EYA1: variants seen among roughly 807,000 people sequenced by gnomAD.
The protein encoded by EYA1 is EYA transcriptional coactivator and phosphatase 1, also known as protein phosphatase EYA1.
Under a neutral mutation model 82.0 loss-of-function variants are expected in EYA1, and 16 were observed. That is an observed-to-expected ratio of 0.20 (90% CI 0.13 to 0.30). The LOEUF is 0.30. Ranked by LOEUF, EYA1 falls within the 10% of genes least tolerant of loss-of-function variation. EYA1 has a pLI of 1.00. For missense variants in EYA1, 633 were observed against 730.7 expected (o/e 0.87, Z 1.54); for synonymous variants, 261 against 264.4 (o/e 0.99, Z 0.12).
chr8:71,528,356 G>T (rs1403056966), intron 2 of EYA1, among the ~76,000 whole-genome samples: 1 of 152,200 alleles, frequency 6.6e-6, no homozygotes, highest in African/African-American at 2.4e-5. Flanking sequence ...TTTGGCCCTG[G>T]AAATATAAAC....
At chr8:71,545,344 A>G (rs1815463428) in intron 1 of EYA1, among the ~76,000 whole-genome samples, 1 of 152,210 alleles carries the variant, frequency 6.6e-6, no homozygotes, top group Non-Finnish European at 1.5e-5. Context: ...TACTTTTTAT[A>G]TCCAAAAAGA....
chr8:71,261,544 C>T (rs760286605), intron 11 of EYA1, among the ~76,000 whole-genome samples: 3 of 152,136 alleles, frequency 2.0e-5, no homozygotes, highest in Non-Finnish European at 4.4e-5. Context: ...ACGTGACACT[C>T]GATTGTGTTA....
intron 11 of EYA1, among the ~76,000 whole-genome samples, chr8:71,267,581 C>T (rs1389816194): frequency 2.0e-5 from 3 of 152,156 alleles, no homozygotes; most frequent in South Asian, 4.1e-4. Context: ...TGGAGTCTTG[C>T]TCTGTTGCCC....
intron 2 of EYA1, among the ~76,000 whole-genome samples, chr8:71,476,851 A>T (rs1809703717): frequency 6.6e-6 from 1 of 152,134 alleles, no homozygotes; most frequent in Admixed American, 6.6e-5. Context: ...GTAATACAAA[A>T]AAGTGTTGTA....
intron 9 of EYA1, among the ~76,000 whole-genome samples, chr8:71,288,621 A>G (rs1045859700): frequency 6.6e-6 from 1 of 152,232 alleles, no homozygotes; most frequent in African/African-American, 2.4e-5. Context: ...TGTAGATATA[A>G]GAGAGTAGTC....
intron 1 of EYA1, among the ~76,000 whole-genome samples, chr8:71,542,293 C>G (rs549616260): frequency 1.9e-4 from 27 of 140,212 alleles, no homozygotes; most frequent in Non-Finnish European, 3.8e-4. Flanking sequence ...CATTCAGCAC[C>G]CACTTACAAG....
At chr8:71,231,695 T>C (rs1563659849) in intron 12 of EYA1, among the ~76,000 whole-genome samples, 1 of 152,208 alleles carries the variant, frequency 6.6e-6, no homozygotes, top group Non-Finnish European at 1.5e-5. Flanking sequence ...CAGAATAGAG[T>C]GAGCATGAGG....
chr8:71,542,563 T>A (rs1376684328), intron 1 of EYA1, among the ~76,000 whole-genome samples: 3 of 152,222 alleles, frequency 2.0e-5, no homozygotes, highest in Middle Eastern at 3.2e-3. Flanking sequence ...ATTTACATTC[T>A]CTTGGGTATA....
chr8:71,248,620 T>C (rs1470800483), intron 11 of EYA1, among the ~76,000 whole-genome samples: 1 of 152,194 alleles, frequency 6.6e-6, no homozygotes, highest in African/African-American at 2.4e-5. Flanking sequence ...TGCAAAGCCA[T>C]CTCACCCTGA....
intron 2 of EYA1, among the ~76,000 whole-genome samples, chr8:71,486,558 C>T (rs1283618553): frequency 6.6e-6 from 1 of 152,154 alleles, no homozygotes; most frequent in East Asian, 1.9e-4. Context: ...GAGAAGCTGG[C>T]TATGTGAGTT....
At chr8:71,443,021 C>T (rs1806543622) in intron 2 of EYA1, among the ~76,000 whole-genome samples, 1 of 152,144 alleles carries the variant, frequency 6.6e-6, no homozygotes, top group African/African-American at 2.4e-5. Flanking sequence ...AACAAACTGG[C>T]TATCAACAAG....
chr8:71,252,625 T>C (rs1419191159), intron 11 of EYA1, among the ~76,000 whole-genome samples: 1 of 152,084 alleles, frequency 6.6e-6, no homozygotes, highest in Non-Finnish European at 1.5e-5. Flanking sequence ...CCAAAAGATG[T>C]CAACCAAGCT....
In EYA1 at chr8:71,346,431, A is replaced by AATATATATATATAT. The variant is rs3066856; in HGVS notation, c.124+8337_124+8350dup. ...ACACTTTTATTTTTTTACTGCAGTGAATATATATATATATATATATATATC... is the reference window on the plus strand; with the variant it reads ...ACACTTTTATTTTTTTACTGCAGTGAATATATATATATATATATATATATATATATATATATATC... On this transcript the variant is annotated intron_variant, in intron 3 of 17. Transcript: ENST00000340726. 6.3e-3 allele frequency among the ~76,000 whole-genome samples: 659 copies of AATATATATATATAT among 104,938 alleles called. 22 individuals carry two copies. Among genetic ancestry groups the AATATATATATATAT allele is most frequent in the East Asian group, 0.037 (67 of 1,792 alleles). The allele number at this position is 104,938 out of a possible 152,430, so 68.8% of individuals were successfully genotyped here.
intron 2 of EYA1, among the ~76,000 whole-genome samples, chr8:71,381,954 T>C (rs1430179295): frequency 2.0e-5 from 3 of 152,260 alleles, no homozygotes; most frequent in Non-Finnish European, 2.9e-5. Flanking sequence ...ATGTCTGTAA[T>C]GCCTGAGGCA....
intron 2 of EYA1, among the ~76,000 whole-genome samples, chr8:71,469,394 C>T (rs1294421573): frequency 2.0e-5 from 3 of 151,976 alleles, no homozygotes; most frequent in Admixed American, 2.0e-4. Context: ...ACTTCAGCTT[C>T]CTCCCTTGTA....
At chr8:71,366,715 C>A (rs1827776668), upstream of EYA1, among the ~76,000 whole-genome samples, 1 of 152,134 alleles carries the variant, frequency 6.6e-6, no homozygotes, top group Admixed American at 6.5e-5. Context: ...TTTTATGAAT[C>A]CTGATTTTTT....
chr8:71,530,291 T>C (rs937038258), intron 2 of EYA1, among the ~76,000 whole-genome samples: 1 of 152,130 alleles, frequency 6.6e-6, no homozygotes, highest in Non-Finnish European at 1.5e-5. Flanking sequence ...TCCCAGAAGC[T>C]AAGGAAGGAT....
intron 3 of EYA1, among the ~76,000 whole-genome samples, chr8:71,353,744 G>T (rs1214424429): frequency 6.6e-6 from 1 of 152,000 alleles, no homozygotes; most frequent in South Asian, 2.1e-4. Flanking sequence ...ACAGCATTTA[G>T]CTTTGTTTAT....
rs754901033 is a variant in EYA1 at position 71,215,461 on chromosome 8, G to A, written c.1523C>T (p.Ala508Val). Residue 508 changes from alanine to valine, a missense_variant, in exon 16 of 18, where the codon GCA becomes GTA. Coordinates refer to ENST00000340726, the MANE Select transcript of EYA1 (RefSeq NM_000503.6). ...ILVTTTQLIPALAKVLLYGLG... is the reference protein window; with the variant it reads ...ILVTTTQLIPVLAKVLLYGLG... ...CCCATACAGCAGGACTTTCGCCAAT[G>A]CTGGGATGAGCTGAGTAGTTGTTAC... The A allele has an allele frequency of 1.2e-5, 20 of 1,613,210 alleles. No homozygotes were observed. The highest frequency in any genetic ancestry group is 3.3e-5 in the Admixed American group (2 of 60,008).
Sources: gnomAD v4.1 joint callset for allele counts (sites outside exome capture counted in the v4.1 genomes callset) on GRCh38, gnomAD v4.1.1 for gene constraint, MANE v1.5 for transcripts, NCBI Gene and HGNC (gene_info 2026-07-23, HGNC 2026-07-21) for gene names.